NRF1: variants seen among roughly 807,000 people sequenced by gnomAD.
The protein encoded by NRF1 is nuclear respiratory factor 1, also known as alpha palindromic-binding protein.
NRF1 carries 5 observed loss-of-function variants against 58.5 expected under a neutral mutation model. That is an observed-to-expected ratio of 0.09 (90% CI 0.04 to 0.18). The LOEUF is 0.18. NRF1 is among the 10% of genes least tolerant of loss of function. The probability of loss-of-function intolerance (pLI) is 1.00; values close to 1 mark genes in which losing one functional copy is unlikely to be tolerated. For synonymous variants in NRF1, 224 were observed against 246.7 expected, an observed-to-expected ratio of 0.91 and a Z score of 0.86; for missense variants, 288 against 657.7, an observed-to-expected ratio of 0.44 and a Z score of 6.15.
intron 1 of NRF1, chr7:129,633,396 T>G (rs1275145273): frequency 6.6e-6 from 1 of 152,248 alleles, no homozygotes; most frequent in Non-Finnish European, 1.5e-5. Flanking sequence ...TTGATGTCAC[T>G]GTGGAAAGCA....
chr7:129,632,158 C>T (rs6968211), intron 1 of NRF1, among the ~76,000 whole-genome samples: 4,453 of 152,060 alleles, frequency 0.029, 221 homozygotes, highest in African/African-American at 0.1. Flanking sequence ...CACGTAGTCC[C>T]AGCTGCTTGG....
chr7:129,755,082 A>G lies in NRF1; in HGVS notation c.1413A>G (p.Gly471=). The change falls in exon 11 of 11, where the codon GGA becomes GGG. Residue 471 remains glycine, a synonymous_variant. Coordinates refer to ENST00000393232, the MANE Select transcript of NRF1 (RefSeq NM_005011.5). This position sits in a 1 kb window ranked among gnomAD's most constrained non-coding sequence, Gnocchi z 5.8. ...TVVTSLAQGN[G]PVQVAMAPVT... ...TGACCAGCCTCGCCCAGGGCAACGGACCAGTGCAGGTGGCCATGGCCCCTG... is the reference window on the plus strand; with the variant it reads ...TGACCAGCCTCGCCCAGGGCAACGGGCCAGTGCAGGTGGCCATGGCCCCTG... 2 of 1,613,926 alleles carry G rather than the reference A, an allele frequency of 1.2e-6. No homozygotes were observed. Among genetic ancestry groups the G allele is most frequent in the Non-Finnish European group, 1.7e-6 (2 of 1,179,960 alleles).
chr7:129,727,517 C>G (rs1410747261), intron 10 of NRF1, 152 bp downstream of exon 10: 2 of 682,064 alleles, frequency 2.9e-6, no homozygotes, highest in African/African-American at 3.8e-5. Context: ...ATTCTGGGAG[C>G]CTGTGATTCC....
rs1804227913 is a variant in NRF1 at position 129,755,388 on chromosome 7, A to C, written c.*207A>C. Reference sequence around the variant, plus strand: ...TTTCTGGGATTGGTGAAGAAACTGCATTGTCAATTTCACTGTCCCAAAAAA... The same window carrying C: ...TTTCTGGGATTGGTGAAGAAACTGCCTTGTCAATTTCACTGTCCCAAAAAA... On this transcript the variant is annotated 3_prime_UTR_variant, in exon 11 of 11. Transcript: ENST00000393232. This position sits in a 1 kb window ranked among gnomAD's most constrained non-coding sequence, Gnocchi z 5.8. 5.6e-6 allele frequency: 3 copies of C among 536,138 alleles called. No homozygotes were observed. Among genetic ancestry groups the C allele is most frequent in the Admixed American group, 7.8e-5 (2 of 25,498 alleles). 33.2% of individuals were successfully genotyped at this position (536,138 alleles called of 1,614,324 possible). A position where few individuals can be genotyped will look rare whatever the true frequency, so the allele number is the denominator to read the frequency against.
chr7:129,710,552 G>A lies in NRF1; in HGVS notation c.944G>A (p.Gly315Asp), dbSNP rs1428264292. 6.4e-7 allele frequency: 1 copy of A among 1,558,968 alleles called. No homozygotes were observed. Among genetic ancestry groups the A allele is most frequent in the Admixed American group, 1.7e-5 (1 of 59,970 alleles). ...TVVQTFSNPD[G>D]TVSLIQVGTG... ...GTCCAGACTTTTAGTAACCCTGATG[G>A]CACTGTCTCACTTATCCAGGTGAGT... is the stretch of plus-strand genomic sequence containing the variant. The change falls in exon 7 of 11, where the codon GGC (glycine) becomes GAC (aspartate). Residue 315 changes from glycine to aspartate, a missense_variant. Physicochemically the swap from Gly to Asp is moderately conservative, Grantham distance 94. Coordinates refer to ENST00000393232, the MANE Select transcript of NRF1 (RefSeq NM_005011.5).
Position 129,702,643 on chromosome 7 carries a change from G to A in NRF1, c.607-6432G>A, listed in dbSNP as rs540690042. The stretch of plus-strand genomic sequence containing the variant: ...TAAAATTGGGTCTGTCAGCCTGGAC[G>A]GTAATAATTTTAAGTTAAAGTAATG... On this transcript the variant is annotated intron_variant, in intron 5 of 10. Coordinates refer to ENST00000393232, the MANE Select transcript of NRF1 (RefSeq NM_005011.5). 2.8e-4 allele frequency among the ~76,000 whole-genome samples: 43 copies of A among 152,230 alleles called. 2 individuals carry two copies. In the South Asian group the frequency reaches 8.3e-3, roughly 29 times the overall value.
At chr7:129,633,761 G>A (rs1179080655) in intron 1 of NRF1, 1 of 151,228 alleles carries the variant, frequency 6.6e-6, no homozygotes, top group East Asian at 1.9e-4. Flanking sequence ...TTCAGCACTA[G>A]ATAACCATAC....
chr7:129,748,252 G>A (rs1584694185), intron 10 of NRF1, among the ~76,000 whole-genome samples: 4 of 95,536 alleles, frequency 4.2e-5, no homozygotes, highest in African/African-American at 1.6e-4. Context: ...TCCAGCCTGA[G>A]CAACAAAGCA....
chr7:129,708,060 T>C (rs1802991259), intron 5 of NRF1, among the ~76,000 whole-genome samples: 1 of 152,164 alleles, frequency 6.6e-6, no homozygotes, highest in African/African-American at 2.4e-5. Flanking sequence ...CCGAGTCTGA[T>C]TCATTGCTAA....
chr7:129,619,484 G>GTATATATA (rs1271593762), intron 1 of NRF1, among the ~76,000 whole-genome samples: 14 of 68,488 alleles, frequency 2.0e-4, no homozygotes, highest in Admixed American at 7.7e-4. Flanking sequence ...GTGTGTGTGT[G>GTATATATA]TGTGTGTATA....
chr7:129,612,948 G>T (rs1800571272), intron 1 of NRF1, among the ~76,000 whole-genome samples: 2 of 152,216 alleles, frequency 1.3e-5, no homozygotes, highest in Admixed American at 6.5e-5. Context: ...AGGAGCTGTT[G>T]CCTGCTCTCC....
chr7:129,619,459 C>A (rs1376453816), intron 1 of NRF1, among the ~76,000 whole-genome samples: 4 of 61,158 alleles, frequency 6.5e-5, no homozygotes, highest in Non-Finnish European at 8.8e-5. Flanking sequence ...TATATATACA[C>A]GTGTGTGTGT....
At chr7:129,705,343 T>G (rs777852129) in intron 5 of NRF1, among the ~76,000 whole-genome samples, 9 of 152,076 alleles carry the variant, frequency 5.9e-5, no homozygotes, top group Admixed American at 1.3e-4. Context: ...CAGGCTGGAG[T>G]GTAGTTGAGC....
At chr7:129,714,847 G>A (rs566217777) in intron 8 of NRF1, among the ~76,000 whole-genome samples, 1 of 152,262 alleles carries the variant, frequency 6.6e-6, no homozygotes, top group Non-Finnish European at 1.5e-5. Flanking sequence ...CCTAGAGCTT[G>A]GAGCACTTTC....
chr7:129,653,106 AAT>A (rs1801574599), intron 1 of NRF1, among the ~76,000 whole-genome samples: 1 of 152,134 alleles, frequency 6.6e-6, no homozygotes, highest in Non-Finnish European at 1.5e-5. Context: ...CCTGGCGACT[AAT>A]AGTCTACTTT....
At chr7:129,690,603 G>C in intron 5 of NRF1, 57 bp downstream of exon 5, 1 of 1,587,084 alleles carries the variant, frequency 6.3e-7, no homozygotes, top group South Asian at 1.1e-5. Context: ...GTGTGGGCGG[G>C]CCTCTGATCA....
chr7:129,633,533 C>T (rs780968287), intron 1 of NRF1: 1 of 152,104 alleles, frequency 6.6e-6, no homozygotes, highest in African/African-American at 2.4e-5. Context: ...GCATGATACA[C>T]AATTTAAGAC....
chr7:129,697,447 G>A (rs1166090428), intron 5 of NRF1, among the ~76,000 whole-genome samples: 2 of 151,378 alleles, frequency 1.3e-5, no homozygotes, highest in African/African-American at 4.9e-5. Context: ...ACTTGGGAGG[G>A]CGAGACAGGA....
At chr7:129,668,366 G>A (rs114945502) in intron 2 of NRF1, among the ~76,000 whole-genome samples, 213 of 152,200 alleles carry the variant, frequency 1.4e-3, no homozygotes, top group African/African-American at 4.9e-3. Context: ...GTATAGCCTT[G>A]TAATTACTAA....
Sources: allele counts gnomAD v4.1 joint callset (sites outside exome capture counted in the v4.1 genomes callset), GRCh38; gene constraint gnomAD v4.1.1; non-coding constraint Gnocchi (gnomAD v3.1); transcripts MANE v1.5; gene names NCBI Gene and HGNC (gene_info 2026-07-23, HGNC 2026-07-21).